MARCHF11: variants seen among roughly 807,000 people sequenced by gnomAD.
MARCHF11 encodes the protein membrane associated ring-CH-type finger 11.
Under a neutral mutation model 37.3 loss-of-function variants are expected in MARCHF11, and 29 were observed. The observed-to-expected ratio is 0.78, with a 90% CI of 0.58 to 1.06. MARCHF11 has a LOEUF of 1.06. Among genes scored for constraint, MARCHF11 ranks in the 50% least tolerant of loss-of-function variants. MARCHF11 has a pLI of 0.00. For synonymous variants in MARCHF11, 233 were observed against 228.0 expected (o/e 1.02, Z -0.20); for missense variants, 482 against 533.4 (o/e 0.90, Z 0.95).
chr5:16,148,588 C>A (rs2126596371), intron 2 of MARCHF11, among the ~76,000 whole-genome samples: 1 of 152,300 alleles, frequency 6.6e-6, no homozygotes, highest in East Asian at 1.9e-4. Flanking sequence ...CCTTCTCCAG[C>A]CAACTGTTAG....
intron 2 of MARCHF11, among the ~76,000 whole-genome samples, chr5:16,114,742 G>A (rs1440988966): frequency 6.6e-6 from 1 of 151,742 alleles, no homozygotes; most frequent in Non-Finnish European, 1.5e-5. Flanking sequence ...CTTCCACCCT[G>A]GCCTCCCAAA....
chr5:16,081,156 C>T lies in MARCHF11; in HGVS notation c.886+9733G>A, dbSNP rs73755722. Among the ~76,000 whole-genome samples, 910 of 152,298 alleles carry T rather than the reference C, an allele frequency of 6.0e-3. 11 individuals carry two copies. Among genetic ancestry groups the T allele is most frequent in the African/African-American group, 0.02 (848 of 41,558 alleles). The stretch of plus-strand genomic sequence containing the variant: ...AAGTGTAATTAACCTTCCCCATTAG[C>T]TCTCACATACATTTCTCTCCTGGCA... On this transcript the variant is annotated intron_variant, in intron 3 of 3. Coordinates refer to ENST00000332432, the MANE Select transcript of MARCHF11 (RefSeq NM_001102562.3).
chr5:16,127,315 TCG>T (rs1382737846), intron 2 of MARCHF11, among the ~76,000 whole-genome samples: 2 of 152,272 alleles, frequency 1.3e-5, no homozygotes, highest in Non-Finnish European at 1.5e-5. Flanking sequence ...TGACCAGATG[TCG>T]GTCACACAAG....
intron 2 of MARCHF11, among the ~76,000 whole-genome samples, chr5:16,160,951 G>A (rs867768190): frequency 2.0e-5 from 3 of 151,926 alleles, no homozygotes; most frequent in East Asian, 1.9e-4. Flanking sequence ...CTCTTCTGAC[G>A]TCTAACTGAG....
intron 2 of MARCHF11, among the ~76,000 whole-genome samples, chr5:16,142,752 C>T (rs1469056129): frequency 2.2e-5 from 3 of 136,524 alleles, no homozygotes; most frequent in Non-Finnish European, 4.6e-5. Flanking sequence ...AGTACAATGG[C>T]GTGATCTCGG....
At chr5:16,123,919 A>C (rs1737356436) in intron 2 of MARCHF11, among the ~76,000 whole-genome samples, 1 of 152,212 alleles carries the variant, frequency 6.6e-6, no homozygotes, top group Non-Finnish European at 1.5e-5. Context: ...ACACAGATAC[A>C]TATGGATCAA....
chr5:16,134,307 GT>G (rs1487637201), intron 2 of MARCHF11, among the ~76,000 whole-genome samples: 2 of 152,072 alleles, frequency 1.3e-5, no homozygotes, highest in African/African-American at 4.8e-5. Flanking sequence ...AATGGGGAAG[GT>G]TTAGGTCATG....
chr5:16,155,611 T>G (rs1737968103), intron 2 of MARCHF11, among the ~76,000 whole-genome samples: 1 of 151,878 alleles, frequency 6.6e-6, no homozygotes, highest in African/African-American at 2.4e-5. Flanking sequence ...TAAACTGATT[T>G]AAACTTTTCT....
At chr5:16,103,995 C>T (rs1165374898) in intron 2 of MARCHF11, among the ~76,000 whole-genome samples, 1 of 152,140 alleles carries the variant, frequency 6.6e-6, no homozygotes, top group Non-Finnish European at 1.5e-5. Context: ...CCCTTTCGGA[C>T]CATAAAATTG....
chr5:16,163,856 A>G (rs913033973), intron 2 of MARCHF11, among the ~76,000 whole-genome samples: 9 of 152,174 alleles, frequency 5.9e-5, no homozygotes, highest in Non-Finnish European at 1.2e-4. Flanking sequence ...GGGCCTTTAT[A>G]AAAGGGTTAG....
chr5:16,102,365 C>A (rs1357590494), intron 2 of MARCHF11, among the ~76,000 whole-genome samples: 2 of 152,118 alleles, frequency 1.3e-5, no homozygotes, highest in Non-Finnish European at 2.9e-5. Context: ...AGGGCTTCAC[C>A]CTCAAGCCTG....
At chr5:16,128,137 T>C (rs148166739) in intron 2 of MARCHF11, among the ~76,000 whole-genome samples, 2 of 152,236 alleles carry the variant, frequency 1.3e-5, no homozygotes, top group Middle Eastern at 3.4e-3. Flanking sequence ...CTGCTTCCTA[T>C]CAGGGCTGAT....
At chr5:16,113,739 T>C (rs1737185420) in intron 2 of MARCHF11, among the ~76,000 whole-genome samples, 1 of 152,224 alleles carries the variant, frequency 6.6e-6, no homozygotes, top group Admixed American at 6.5e-5. Flanking sequence ...GAAATCATGA[T>C]ATTTAGGATA....
chr5:16,162,743 T>C (rs533383048), intron 2 of MARCHF11, among the ~76,000 whole-genome samples: 8 of 152,186 alleles, frequency 5.3e-5, no homozygotes, highest in African/African-American at 1.7e-4. Flanking sequence ...AATTAATAAA[T>C]ATTTGTTGAA....
At chr5:16,136,111 G>C (rs980387230) in intron 2 of MARCHF11, among the ~76,000 whole-genome samples, 1 of 152,008 alleles carries the variant, frequency 6.6e-6, no homozygotes, top group African/African-American at 2.4e-5. Context: ...AATTAAATAT[G>C]CTCTTAAAAA....
At chr5:16,128,551 C>A (rs186426776) in intron 2 of MARCHF11, among the ~76,000 whole-genome samples, 2 of 152,268 alleles carry the variant, frequency 1.3e-5, no homozygotes, top group South Asian at 2.1e-4. Flanking sequence ...AAAAGAAGGA[C>A]GGGCAAGAAC....
intron 2 of MARCHF11, among the ~76,000 whole-genome samples, chr5:16,164,880 CT>C (rs1247515355): frequency 6.6e-6 from 1 of 152,016 alleles, no homozygotes; most frequent in Non-Finnish European, 1.5e-5. Context: ...GCTTCTACCC[CT>C]GCCTCTCTCC....
intron 2 of MARCHF11, among the ~76,000 whole-genome samples, chr5:16,168,580 T>C (rs912715223): frequency 6.6e-6 from 1 of 152,080 alleles, no homozygotes; most frequent in Non-Finnish European, 1.5e-5. Context: ...TCTTTCTGCT[T>C]CCAGGGGAAG....
At chr5:16,148,441 G>A (rs1457782520) in intron 2 of MARCHF11, among the ~76,000 whole-genome samples, 5 of 151,922 alleles carry the variant, frequency 3.3e-5, no homozygotes, top group Admixed American at 6.6e-5. Context: ...TCTTTCCCTG[G>A]TACCAATTTC....
Sources: allele counts gnomAD v4.1 joint callset (sites outside exome capture counted in the v4.1 genomes callset), GRCh38; gene constraint gnomAD v4.1.1; transcripts MANE v1.5; gene names NCBI Gene and HGNC (gene_info 2026-07-23, HGNC 2026-07-21).